Variants in COX10 observed in about 807,000 individuals in gnomAD.
COX10 encodes protoheme IX farnesyltransferase, mitochondrial.
Under a neutral mutation model 37.3 loss-of-function variants are expected in COX10, and 27 were observed. The observed-to-expected ratio is 0.72, with a 90% CI of 0.53 to 1.00. The LOEUF (loss-of-function observed/expected upper bound fraction) is 1.00. Ranked by LOEUF, COX10 falls within the 50% of genes least tolerant of loss-of-function variation. The pLI, the probability that COX10 is intolerant of heterozygous loss-of-function variation, is 0.00. For missense variants in COX10, 475 were observed against 563.2 expected, an observed-to-expected ratio of 0.84 and a Z score of 1.59; for synonymous variants, 222 against 229.1, an observed-to-expected ratio of 0.97 and a Z score of 0.28.
chr17:14,096,678 T>G (rs562029113), intron 3 of COX10, among the ~76,000 whole-genome samples: 13 of 152,220 alleles, frequency 8.5e-5, no homozygotes, highest in East Asian at 5.8e-4. Flanking sequence ...CAAAAAAATT[T>G]TTTTGTTTTG....
At chr17:14,094,150 G>A (rs1915590505) in intron 3 of COX10, among the ~76,000 whole-genome samples, 1 of 152,138 alleles carries the variant, frequency 6.6e-6, no homozygotes, top group South Asian at 2.1e-4. Context: ...TTTGCACATG[G>A]TTGTCCATAT....
At chr17:14,168,350 G>A (rs1175921570) in intron 5 of COX10, among the ~76,000 whole-genome samples, 1 of 152,212 alleles carries the variant, frequency 6.6e-6, no homozygotes, top group Non-Finnish European at 1.5e-5. Flanking sequence ...GCCATTGAGT[G>A]CCTCTGGCTT....
At chr17:14,193,478 G>A (rs1343496915) in intron 6 of COX10, among the ~76,000 whole-genome samples, 5 of 150,190 alleles carry the variant, frequency 3.3e-5, no homozygotes, top group African/African-American at 7.3e-5. Flanking sequence ...ATCAGGAAAT[G>A]GAAGATTTTG....
At chr17:14,194,168 A>T (rs1353555915) in intron 6 of COX10, among the ~76,000 whole-genome samples, 1 of 151,986 alleles carries the variant, frequency 6.6e-6, no homozygotes, top group South Asian at 2.1e-4. Context: ...GTCCCAGGCC[A>T]TGGAGAACTT....
chr17:14,139,560 C>A (rs956836634), intron 4 of COX10, among the ~76,000 whole-genome samples: 2 of 152,066 alleles, frequency 1.3e-5, no homozygotes, highest in African/African-American at 4.8e-5. Context: ...CTAGCTACAC[C>A]TTTCCTATGC....
chr17:14,163,708 A>C (rs951307845), intron 5 of COX10, among the ~76,000 whole-genome samples: 6 of 152,246 alleles, frequency 3.9e-5, no homozygotes, highest in Non-Finnish European at 8.8e-5. Context: ...TCGTGATGCA[A>C]GAAATCAAAA....
At chr17:14,201,134 T>C (rs1380197648) in intron 6 of COX10, among the ~76,000 whole-genome samples, 1 of 152,194 alleles carries the variant, frequency 6.6e-6, no homozygotes, top group African/African-American at 2.4e-5. Flanking sequence ...GCAGAGGAGA[T>C]GAGTAGAATA....
At chr17:14,118,176 G>A (rs532985979) in intron 4 of COX10, among the ~76,000 whole-genome samples, 21 of 152,130 alleles carry the variant, frequency 1.4e-4, no homozygotes, top group East Asian at 3.9e-4. Flanking sequence ...GGTGGGCATC[G>A]CAGGCCAAAA....
At chr17:14,072,586 C>T (rs1221781230) in intron 1 of COX10, among the ~76,000 whole-genome samples, 1 of 152,156 alleles carries the variant, frequency 6.6e-6, no homozygotes, top group Non-Finnish European at 1.5e-5. Context: ...AACTCCTAAC[C>T]TCAGGTAATC....
chr17:14,137,102 T>G (rs1904397583), intron 4 of COX10, among the ~76,000 whole-genome samples: 1 of 151,840 alleles, frequency 6.6e-6, no homozygotes, highest in Non-Finnish European at 1.5e-5. Context: ...AAGGCAGGCC[T>G]TCTTCTCACT....
chr17:14,123,849 G>C (rs905365262), intron 4 of COX10, among the ~76,000 whole-genome samples: 4 of 152,126 alleles, frequency 2.6e-5, no homozygotes, highest in African/African-American at 9.7e-5. Context: ...ATGTTCAAGA[G>C]TAGTTTAAGT....
At chr17:14,172,650 G>GCTCACTGC (rs1186649348) in intron 5 of COX10, among the ~76,000 whole-genome samples, 34 of 145,086 alleles carry the variant, frequency 2.3e-4, no homozygotes, top group South Asian at 2.2e-3. Context: ...CAGGACTATG[G>GCTCACTGC]CTCACTGCAC....
intron 3 of COX10, among the ~76,000 whole-genome samples, chr17:14,090,904 T>C (rs1476415336): frequency 6.6e-6 from 1 of 152,150 alleles, no homozygotes; most frequent in African/African-American, 2.4e-5. Context: ...TACATTTCCA[T>C]TGCCCAGCGC....
intron 6 of COX10, among the ~76,000 whole-genome samples, chr17:14,194,835 G>A (rs1277275384): frequency 6.6e-6 from 1 of 152,146 alleles, no homozygotes; most frequent in African/African-American, 2.4e-5. Context: ...CCTTGTTTAG[G>A]TAGCAGAATG....
At chr17:14,193,266 A>G (rs566250477) in intron 6 of COX10, among the ~76,000 whole-genome samples, 2,634 of 151,724 alleles carry the variant, frequency 0.017, 25 homozygotes, top group Non-Finnish European at 0.027. Context: ...CATCCTTCGC[A>G]GCTGAACTCA....
chr17:14,102,350 TTTGTAA>T, intron 4 of COX10, 108 bp downstream of exon 4: 1 of 1,491,822 alleles, frequency 6.7e-7, no homozygotes, highest in Non-Finnish European at 9.2e-7. Flanking sequence ...TGGAGAAGCA[TTTGTAA>T]CACTATATAT....
At chr17:14,177,198 C>T (rs1046087513) in intron 5 of COX10, 29 of 710,776 alleles carry the variant, frequency 4.1e-5, no homozygotes, top group Admixed American at 9.9e-5. Flanking sequence ...ATCTGGTTGC[C>T]TCCGTCACTG....
chr17:14,155,608 G>A (rs925106993), intron 4 of COX10, among the ~76,000 whole-genome samples: 4 of 151,904 alleles, frequency 2.6e-5, no homozygotes, highest in Non-Finnish European at 5.9e-5. Context: ...CCAGCTACTT[G>A]GGAGGCTGAG....
intron 1 of COX10, among the ~76,000 whole-genome samples, chr17:14,072,765 G>A (rs1006389183): frequency 2.6e-5 from 4 of 152,200 alleles, no homozygotes; most frequent in Admixed American, 2.6e-4. Context: ...TCTTGGGGTT[G>A]TGATAGTTCT....
Sources: allele counts gnomAD v4.1 joint callset (sites outside exome capture counted in the v4.1 genomes callset), GRCh38; gene constraint gnomAD v4.1.1; transcripts MANE v1.5; gene names NCBI Gene and HGNC (gene_info 2026-07-23, HGNC 2026-07-21).